Variants in SPDEF observed in about 807,000 individuals in gnomAD.
SPDEF encodes SAM pointed domain-containing Ets transcription factor.
SPDEF carries 12 observed loss-of-function variants against 36.0 expected under a neutral mutation model. The observed-to-expected ratio is 0.33, with a 90% CI of 0.21 to 0.54. The LOEUF (loss-of-function observed/expected upper bound fraction) is 0.54, where lower values mean the gene tolerates loss of function less well. SPDEF is among the 20% of genes least tolerant of loss of function. The pLI is 0.93. For missense variants in SPDEF, 388 were observed against 456.9 expected, an observed-to-expected ratio of 0.85 and a Z score of 1.37; for synonymous variants, 205 against 193.0, an observed-to-expected ratio of 1.06 and a Z score of -0.51.
In SPDEF at chr6:34,539,106, A is replaced by G; in HGVS notation, c.829+144T>C. On this transcript the variant is annotated intron_variant, in intron 5 of 5. Coordinates refer to ENST00000374037, the MANE Select transcript of SPDEF (RefSeq NM_012391.3). The surrounding 1 kb of genome is among the most constrained non-coding windows in gnomAD (Gnocchi z 5.2). The stretch of plus-strand genomic sequence containing the variant: ...ACAGACCCCAGGGCTGTCCCATGAG[A>G]GCTGCATATTTGGCATCTAGGACAA... 1.1e-6 allele frequency: 1 copy of G among 909,586 alleles called. No individual in the cohort carries two copies. The highest frequency in any genetic ancestry group is 1.7e-6 in the Non-Finnish European group (1 of 588,284). 56.3% of individuals were successfully genotyped at this position (909,586 alleles called of 1,614,324 possible). A position where few individuals can be genotyped will look rare whatever the true frequency, so the allele number is the denominator to read the frequency against.
At position 34,539,103 on chromosome 6, in the gene SPDEF, G is replaced by A. The variant is rs1767756053; in HGVS notation, c.829+147C>T. 13 of 898,368 alleles carry A rather than the reference G, an allele frequency of 1.4e-5. No homozygotes were observed. The East Asian group carries it at 2.4e-4, about 17-fold the overall frequency. The allele number at this position is 898,368 out of a possible 1,614,324, so 55.6% of individuals were successfully genotyped here. A position where few individuals can be genotyped will look rare whatever the true frequency, so the allele number is the denominator to read the frequency against. On this transcript the variant is annotated intron_variant, in intron 5 of 5. Transcript: ENST00000374037. The surrounding 1 kb of genome is among the most constrained non-coding windows in gnomAD (Gnocchi z 5.2). ...CACACAGACCCCAGGGCTGTCCCAT[G>A]AGAGCTGCATATTTGGCATCTAGGA...
chr6:34,543,894 C>T, intron 2 of SPDEF, 126 bp downstream of exon 2: 1 of 907,226 alleles, frequency 1.1e-6, no homozygotes. Context: ...TGCCAGCATC[C>T]CCAAAGCTGC....
intron 1 of SPDEF, among the ~76,000 whole-genome samples, chr6:34,549,793 G>A (rs536683817): frequency 3.0e-4 from 45 of 152,334 alleles, no homozygotes; most frequent in African/African-American, 1.1e-3. Context: ...CTGAGGGAGT[G>A]ACAGAGATGG....
At chr6:34,547,666 C>G (rs1178440044) in intron 1 of SPDEF, among the ~76,000 whole-genome samples, 2 of 152,122 alleles carry the variant, frequency 1.3e-5, no homozygotes, top group East Asian at 3.9e-4. Flanking sequence ...CTCATCTGGC[C>G]CAGGTCTTAT....
rs2233640 is a variant in SPDEF, at chr6:34,544,223, G to A, written c.233C>T (p.Pro78Leu). 5.0e-6 allele frequency: 8 copies of A among 1,613,840 alleles called. No homozygotes were observed. The East Asian group carries it at 8.9e-5, about 18-fold the overall frequency. The change falls in exon 2 of 6, where the codon CCT becomes CTT. Residue 78 changes from proline (P) to leucine (L), a missense_variant. Physicochemically the swap from Pro to Leu is moderately conservative, Grantham distance 98 (BLOSUM62 -3). Transcript: ENST00000374037. This position sits in a 1 kb window ranked among gnomAD's most constrained non-coding sequence, Gnocchi z 4.4. The part of the protein sequence containing the change: ...PEDSSWAAKA[P>L]GASSREEPPE... ...TGGCTCCTCCCGACTGCTGGCCCCA[G>A]GGGCCTTGGCTGCCCAGCTGCTGTC...
At chr6:34,541,973 G>C (rs928058159) in intron 2 of SPDEF, among the ~76,000 whole-genome samples, 2 of 152,206 alleles carry the variant, frequency 1.3e-5, no homozygotes, top group African/African-American at 4.8e-5. Context: ...TGCAGGCTGG[G>C]CTGCCCCCAC....
chr6:34,545,161 G>C (rs1230003924), intron 1 of SPDEF, among the ~76,000 whole-genome samples: 1 of 152,190 alleles, frequency 6.6e-6, no homozygotes, highest in East Asian at 1.9e-4. Flanking sequence ...AATACCCCAG[G>C]CTGGGTGCAT....
intron 2 of SPDEF, 140 bp from the exon 3 acceptor site, chr6:34,541,321 G>A: frequency 1.3e-6 from 1 of 794,640 alleles, no homozygotes; most frequent in South Asian, 1.9e-5. Flanking sequence ...GGCCCCTGAG[G>A]GCCCCTGTGG....
chr6:34,548,035 C>A (rs562631594), intron 1 of SPDEF, among the ~76,000 whole-genome samples: 35 of 152,254 alleles, frequency 2.3e-4, no homozygotes, highest in Admixed American at 5.2e-4. Flanking sequence ...TGCAACTAGG[C>A]GTCTCAAGGT....
intron 3 of SPDEF, among the ~76,000 whole-genome samples, chr6:34,540,410 CAAA>C (rs534729419): frequency 3.8e-5 from 5 of 132,708 alleles, no homozygotes; most frequent in Non-Finnish European, 3.3e-5. Flanking sequence ...CTACTTATGT[CAAA>C]AAAAAAAAAA....
At chr6:34,546,542 C>G (rs914420579) in intron 1 of SPDEF, among the ~76,000 whole-genome samples, 1 of 152,206 alleles carries the variant, frequency 6.6e-6, no homozygotes, top group Non-Finnish European at 1.5e-5. Context: ...CAATTTCACA[C>G]AACTCAGAAA....
chr6:34,542,286 G>A (rs558171938), intron 2 of SPDEF, among the ~76,000 whole-genome samples: 26 of 152,336 alleles, frequency 1.7e-4, no homozygotes, highest in African/African-American at 6.3e-4. Context: ...GAAGATGAGG[G>A]ACATGGGTCA....
chr6:34,551,352 G>C (rs866773550), intron 1 of SPDEF, among the ~76,000 whole-genome samples: 1 of 152,204 alleles, frequency 6.6e-6, no homozygotes, highest in African/African-American at 2.4e-5. Context: ...CTCCAAAAGG[G>C]GATGTGGACT....
chr6:34,538,236 G>A lies in SPDEF; in HGVS notation c.*38C>T. 4 of 1,591,968 alleles carry A rather than the reference G, an allele frequency of 2.5e-6. No individual in the cohort carries two copies. Among genetic ancestry groups the A allele is most frequent in the Non-Finnish European group, 3.4e-6 (4 of 1,165,332 alleles). Reference sequence around the variant, plus strand: ...GCTGAGGCAGGGCAGGCAGGAGAGAGGCCCCTGAGGGCGGGTTTCAGGCCC... The same window carrying A: ...GCTGAGGCAGGGCAGGCAGGAGAGAAGCCCCTGAGGGCGGGTTTCAGGCCC... On this transcript the variant is annotated 3_prime_UTR_variant, in exon 6 of 6. Coordinates refer to ENST00000374037, the MANE Select transcript of SPDEF (RefSeq NM_012391.3). This position sits in a 1 kb window ranked among gnomAD's most constrained non-coding sequence, Gnocchi z 5.9.
In SPDEF at chr6:34,544,621, G is replaced by T. The variant is rs1767913329; in HGVS notation, c.-29-137C>A. The stretch of plus-strand genomic sequence containing the variant: ...GAGTTGGGGGCTTCCGGGTCATTGG[G>T]CAGCCACGACATGGTTGGGCAGACA... On this transcript the variant is annotated intron_variant, in intron 1 of 5. Transcript: ENST00000374037. The surrounding 1 kb of genome is among the most constrained non-coding windows in gnomAD (Gnocchi z 4.4). The T allele has an allele frequency of 1.5e-6, 1 of 656,592 alleles. No individual in the cohort carries two copies. The highest frequency in any genetic ancestry group is 3.4e-5 in the Admixed American group (1 of 29,006). 40.7% of individuals were successfully genotyped at this position (656,592 alleles called of 1,614,324 possible).
Position 34,538,336 on chromosome 6 carries a change from C to T in SPDEF, c.946G>A (p.Gly316Ser). ...SRSIRQYYKK[G>S]IIRKPDISQR... is the part of the protein sequence containing the mutation. Reference sequence around the variant, plus strand: ...GAGATGTCTGGCTTCCGGATGATGCCCTTCTTGTAATACTGGCGGATGGAG... The same window carrying T: ...GAGATGTCTGGCTTCCGGATGATGCTCTTCTTGTAATACTGGCGGATGGAG... The change falls in exon 6 of 6, where the codon GGC becomes AGC. Residue 316 changes from glycine to serine, a missense_variant. Physicochemically the swap from Gly to Ser is moderately conservative, Grantham distance 56 (BLOSUM62 0). Coordinates refer to ENST00000374037, the MANE Select transcript of SPDEF (RefSeq NM_012391.3). This position sits in a 1 kb window ranked among gnomAD's most constrained non-coding sequence, Gnocchi z 5.9. 1.9e-6 allele frequency: 3 copies of T among 1,614,104 alleles called. No homozygotes were observed. Among genetic ancestry groups the T allele is most frequent in the Non-Finnish European group, 2.5e-6 (3 of 1,179,974 alleles).
chr6:34,545,604 G>C (rs1445531015), intron 1 of SPDEF, among the ~76,000 whole-genome samples: 1 of 152,240 alleles, frequency 6.6e-6, no homozygotes, highest in South Asian at 2.1e-4. Context: ...GTGGGGGCCT[G>C]AGACTTAAGA....
chr6:34,539,775 C>A lies in SPDEF; in HGVS notation c.635-213G>T, dbSNP rs545710842. On this transcript the variant is annotated intron_variant, in intron 3 of 5. Coordinates refer to ENST00000374037, the MANE Select transcript of SPDEF (RefSeq NM_012391.3). This position sits in a 1 kb window ranked among gnomAD's most constrained non-coding sequence, Gnocchi z 5.2. ...TCAGGATTTCAGAGCTGGGAGGGGC[C>A]GTAAAGGGCTTGCATGCAACCCCTT... is the stretch of plus-strand genomic sequence containing the variant. 6.6e-6 allele frequency among the ~76,000 whole-genome samples: 1 copy of A among 152,280 alleles called. No homozygotes were observed. Among genetic ancestry groups the A allele is most frequent in the South Asian group, 2.1e-4 (1 of 4,824 alleles).
chr6:34,539,447 G>A lies in SPDEF; in HGVS notation c.683-51C>T. The A allele has an allele frequency of 3.1e-6, 5 of 1,611,256 alleles. No individual in the cohort carries two copies. The highest frequency in any genetic ancestry group is 4.2e-6 in the Non-Finnish European group (5 of 1,179,718). On this transcript the variant is annotated intron_variant, in intron 4 of 5. Transcript: ENST00000374037. This position sits in a 1 kb window ranked among gnomAD's most constrained non-coding sequence, Gnocchi z 5.2. ...GAGTGGGAATGGGAGGCCAGTCCCG[G>A]CTTCATTGGCAGCCACCCCTCCACC...
Sources: gnomAD v4.1 joint callset for allele counts (sites outside exome capture counted in the v4.1 genomes callset) on GRCh38, gnomAD v4.1.1 for gene constraint, Gnocchi (gnomAD v3.1) non-coding constraint, MANE v1.5 for transcripts, NCBI Gene and HGNC (gene_info 2026-07-23, HGNC 2026-07-21) for gene names.